LAMA4: variants seen among roughly 807,000 people sequenced by gnomAD.
LAMA4 encodes the protein laminin subunit alpha-4.
Under a neutral mutation model 207.1 loss-of-function variants are expected in LAMA4, and 127 were observed. That is an observed-to-expected ratio of 0.61 (90% CI 0.53 to 0.71). The LOEUF (loss-of-function observed/expected upper bound fraction) is 0.71. Among genes scored for constraint, LAMA4 ranks in the 30% least tolerant of loss-of-function variants. The pLI is 0.00. For missense variants in LAMA4, 2,093 were observed against 2,246.5 expected, an observed-to-expected ratio of 0.93 and a Z score of 1.38; for synonymous variants, 761 against 816.0, an observed-to-expected ratio of 0.93 and a Z score of 1.15.
intron 2 of LAMA4, among the ~76,000 whole-genome samples, chr6:112,248,421 C>G (rs1787164719): frequency 6.6e-6 from 1 of 151,516 alleles, no homozygotes; most frequent in South Asian, 2.1e-4. Flanking sequence ...ATTGCTTGAA[C>G]CCGGGAGGCA....
chr6:112,167,765 G>C (rs1412540827), intron 12 of LAMA4, among the ~76,000 whole-genome samples: 1 of 151,580 alleles, frequency 6.6e-6, no homozygotes, highest in Non-Finnish European at 1.5e-5. Flanking sequence ...GTGCTAGGAA[G>C]ATACAATTTG....
Position 112,129,819 on chromosome 6 carries a change from G to A in LAMA4, c.4133+57C>T, listed in dbSNP as rs1403148179. 33 of 1,327,884 alleles carry A rather than the reference G, an allele frequency of 2.5e-5. No homozygotes were observed. In the Admixed American group the frequency reaches 6.0e-4, roughly 24 times the overall value. 82.3% of individuals were successfully genotyped at this position (1,327,884 alleles called of 1,614,324 possible). ...AGTTCTCAGTTTTAATATTTTTGCT[G>A]TTGTCTTGATTTTATTTATCAATCA... is the stretch of plus-strand genomic sequence containing the variant. On this transcript the variant is annotated intron_variant, in intron 30 of 38. Transcript: ENST00000230538.
At chr6:112,112,890 T>G (rs1777786546) in intron 38 of LAMA4, among the ~76,000 whole-genome samples, 1 of 152,128 alleles carries the variant, frequency 6.6e-6, no homozygotes. Flanking sequence ...TAGAAGATTA[T>G]TAAAATCTCC....
At chr6:112,234,077 G>A (rs1785729150) in intron 2 of LAMA4, 1 of 152,146 alleles carries the variant, frequency 6.6e-6, no homozygotes, top group Non-Finnish European at 1.5e-5. Flanking sequence ...TGGCTTGAAA[G>A]TTAGGAATCT....
chr6:112,186,153 T>C (rs1337156928), intron 8 of LAMA4, among the ~76,000 whole-genome samples: 1 of 152,250 alleles, frequency 6.6e-6, no homozygotes, highest in Non-Finnish European at 1.5e-5. Flanking sequence ...CAAAAAGCAA[T>C]GAGTACTTAG....
At chr6:112,125,499 G>A (rs1554327372) in intron 31 of LAMA4, among the ~76,000 whole-genome samples, 1 of 152,182 alleles carries the variant, frequency 6.6e-6, no homozygotes, top group East Asian at 1.9e-4. Context: ...CATGATGTCT[G>A]TTACAATACC....
rs782708268 is a variant in LAMA4, at chr6:112,160,733, A to C, written c.1669-1853T>G. Among the ~76,000 whole-genome samples the C allele has an allele frequency of 1.9e-4, 29 of 152,164 alleles. 1 individual carries two copies. The highest frequency in any genetic ancestry group is 4.1e-4 in the South Asian group (2 of 4,826). ...TCCTCTTTCCCTGACCAAGAAAGAG[A>C]CCGTGAAACTTGGCATTTGACTCCC... On this transcript the variant is annotated intron_variant, in intron 13 of 38. Transcript: ENST00000230538.
rs781903380 is a variant in LAMA4, at chr6:112,191,682, G to A, written c.672C>T (p.Cys224=). ...TGGCGTCCCCATAGTAGCCAGGAGC[G>A]CAACGTTCACACTTGAATCCGGTGG... ...RNTTGFKCER[C]APGYYGDARI... is the part of the protein sequence containing the mutation. Residue 224 remains cysteine, a synonymous_variant, in exon 6 of 39, where the codon TGC becomes TGT. Coordinates refer to ENST00000230538, the MANE Select transcript of LAMA4 (RefSeq NM_001105206.3). 95 of 1,613,930 alleles carry A rather than the reference G, an allele frequency of 5.9e-5. No individual in the cohort carries two copies. Among genetic ancestry groups the A allele is most frequent in the Non-Finnish European group, 6.4e-5 (75 of 1,179,976 alleles).
chr6:112,218,425 C>T (rs1435012403), intron 2 of LAMA4: 1 of 152,208 alleles, frequency 6.6e-6, no homozygotes, highest in African/African-American at 2.4e-5. Flanking sequence ...AAGCATCTCT[C>T]ACAATGCCTT....
At chr6:112,180,005 A>G in intron 9 of LAMA4, 1 of 483,758 alleles carries the variant, frequency 2.1e-6, no homozygotes, top group Non-Finnish European at 4.2e-6. Context: ...CAGAAACTAT[A>G]ATAAATCTTA....
intron 31 of LAMA4, among the ~76,000 whole-genome samples, chr6:112,124,555 G>A (rs1778564620): frequency 6.6e-6 from 1 of 151,948 alleles, no homozygotes; most frequent in African/African-American, 2.4e-5. Context: ...CCTAAGATGG[G>A]TATGTGTATG....
At chr6:112,125,007 G>A (rs140905630) in intron 31 of LAMA4, among the ~76,000 whole-genome samples, 2,368 of 152,090 alleles carry the variant, frequency 0.016, 26 homozygotes, top group Admixed American at 0.021. Context: ...CACCTGCCTT[G>A]GCCTCCCAAA....
intron 2 of LAMA4, among the ~76,000 whole-genome samples, chr6:112,239,585 CCTTCT>C (rs1456749024): frequency 1.3e-5 from 2 of 152,178 alleles, no homozygotes; most frequent in Non-Finnish European, 2.9e-5. Context: ...CTGCTACAGT[CCTTCT>C]CTTAGTTCAG....
chr6:112,148,299 G>C lies in LAMA4; in HGVS notation c.2211C>G (p.Ile737Met), dbSNP rs1554335016. The change falls in exon 18 of 39, where the codon ATC becomes ATG. Residue 737 changes from isoleucine (I) to methionine (M), a missense_variant. Coordinates refer to ENST00000230538, the MANE Select transcript of LAMA4 (RefSeq NM_001105206.3). Reference protein sequence around the residue: ...AQQRLGQSRLITEEANRTTME... With the variant: ...AQQRLGQSRLMTEEANRTTME... ...TCGTCGTCCTGTTGGCTTCCTCGGT[G>C]ATCAGTCTAGACTGCCCCAGGCGCT... 1.2e-6 allele frequency: 2 copies of C among 1,614,198 alleles called. No homozygotes were observed. The highest frequency in any genetic ancestry group is 1.7e-6 in the Non-Finnish European group (2 of 1,180,028).
chr6:112,190,880 T>A (rs1411711647), intron 6 of LAMA4, among the ~76,000 whole-genome samples: 2 of 35,790 alleles, frequency 5.6e-5, no homozygotes, highest in African/African-American at 1.1e-4. Context: ...TTTTTCTTTC[T>A]TTCTTTCTTT....
intron 3 of LAMA4, among the ~76,000 whole-genome samples, chr6:112,211,470 A>G (rs1332141358): frequency 1.3e-5 from 2 of 152,250 alleles, no homozygotes; most frequent in African/African-American, 4.8e-5. Flanking sequence ...TATAATAGAC[A>G]ATGAGCCATA....
rs3734290 is a variant in LAMA4 at position 112,114,061 on chromosome 6, T to G, written c.5326+15A>C. 416,039 of 1,609,574 alleles carry G rather than the reference T, an allele frequency of 0.26. 55,202 individuals carry two copies. The highest frequency in any genetic ancestry group is 0.31 in the East Asian group (13,940 of 44,804). ...TTTTTGGATTGGGAACTTTTCCTTT[T>G]TAAACAACACTTACCTGGAACACCT... On this transcript the variant is annotated intron_variant, in intron 38 of 38. Transcript: ENST00000230538.
At position 112,231,934 on chromosome 6, in the gene LAMA4, GT is replaced by G. The variant is rs527963266; in HGVS notation, c.196-15466del. On this transcript the variant is annotated intron_variant, in intron 2 of 38. Coordinates refer to ENST00000230538, the MANE Select transcript of LAMA4 (RefSeq NM_001105206.3). ...GTGTTGAACTCCCACTCTGTCATGT[GT>G]TTTATGAGTCAAATTTTATGAGACA... 1.2e-3 allele frequency among the ~76,000 whole-genome samples: 176 copies of G among 152,248 alleles called. 1 individual carries two copies. The highest frequency in any genetic ancestry group is 3.9e-3 in the African/African-American group (161 of 41,550).
At chr6:112,174,912 C>A (rs554190669) in intron 11 of LAMA4, among the ~76,000 whole-genome samples, 1 of 152,352 alleles carries the variant, frequency 6.6e-6, no homozygotes, top group South Asian at 2.1e-4. Context: ...CCACTGGAGG[C>A]TAAAAGATAT....
Sources: gnomAD v4.1 joint callset for allele counts (sites outside exome capture counted in the v4.1 genomes callset) on GRCh38, gnomAD v4.1.1 for gene constraint, MANE v1.5 for transcripts, NCBI Gene and HGNC (gene_info 2026-07-23, HGNC 2026-07-21) for gene names.